Variants in ZNF385D observed in about 807,000 individuals in gnomAD.
The protein encoded by ZNF385D is zinc finger protein 385D, also known as zinc finger protein 659.
A neutral mutation model predicts 35.8 loss-of-function variants in ZNF385D; 15 were observed. That is an observed-to-expected ratio of 0.42 (90% CI 0.28 to 0.64). The LOEUF is 0.64. Among genes scored for constraint, ZNF385D ranks in the 30% least tolerant of loss-of-function variants. ZNF385D has a pLI of 0.23. For synonymous variants in ZNF385D, 212 were observed against 186.8 expected (o/e 1.13, Z -1.10); for missense variants, 474 against 494.6 (o/e 0.96, Z 0.39).
intron 2 of ZNF385D, among the ~76,000 whole-genome samples, chr3:22,218,751 C>T (rs1698056066): frequency 6.6e-6 from 1 of 152,068 alleles, no homozygotes; most frequent in African/African-American, 2.4e-5. Flanking sequence ...CTCTCAGCAA[C>T]ATGGGTTTTT....
chr3:21,923,478 T>C (rs1052422741), intron 3 of ZNF385D, among the ~76,000 whole-genome samples: 1 of 152,166 alleles, frequency 6.6e-6, no homozygotes, highest in African/African-American at 2.4e-5. Flanking sequence ...AAAACAGAAC[T>C]ACTATTTGAC....
At chr3:22,028,192 C>T (rs1478790868) in intron 3 of ZNF385D, among the ~76,000 whole-genome samples, 6 of 152,282 alleles carry the variant, frequency 3.9e-5, no homozygotes. Flanking sequence ...TGGTCAAAAA[C>T]TGTGAAGATG....
intron 3 of ZNF385D, among the ~76,000 whole-genome samples, chr3:21,895,176 T>C (rs189309537): frequency 3.7e-4 from 56 of 152,086 alleles, no homozygotes; most frequent in African/African-American, 1.3e-3. Flanking sequence ...GGTATTTCTA[T>C]TTGACTGATT....
At chr3:21,587,439 G>T (rs1436981249) in intron 2 of ZNF385D, among the ~76,000 whole-genome samples, 1 of 152,064 alleles carries the variant, frequency 6.6e-6, no homozygotes, top group South Asian at 2.1e-4. Context: ...TTGAAATAAG[G>T]CCCCAGGCTC....
rs970142223 is a variant in ZNF385D at position 22,316,171 on chromosome 3, C to T, written c.106+56279G>A. Among the ~76,000 whole-genome samples, 3 of 152,200 alleles carry T rather than the reference C, an allele frequency of 2.0e-5. No individual in the cohort carries two copies. The South Asian group carries it at 6.2e-4, about 32-fold the overall frequency. On this transcript the variant is annotated intron_variant, in intron 2 of 5. Transcript: ENST00000494108. ...TGCAGGAGGATGGTTTTCCACACTC[C>T]TGTGATTTCATCCCAAAGCAATCAG...
chr3:21,448,272 T>A (rs116317835), intron 4 of ZNF385D, among the ~76,000 whole-genome samples: 1,959 of 152,130 alleles, frequency 0.013, 37 homozygotes, highest in African/African-American at 0.045. Flanking sequence ...ATGAGAAAAA[T>A]TACAAAAATT....
intron 3 of ZNF385D, among the ~76,000 whole-genome samples, chr3:21,906,364 A>G (rs754018916): frequency 3.3e-5 from 5 of 152,194 alleles, no homozygotes; most frequent in Non-Finnish European, 7.3e-5. Flanking sequence ...CTTAGTTGGT[A>G]GCATCCAAAT....
At chr3:21,765,672 G>A (rs576780874) in intron 3 of ZNF385D, among the ~76,000 whole-genome samples, 1 of 151,802 alleles carries the variant, frequency 6.6e-6, no homozygotes, top group African/African-American at 2.4e-5. Context: ...GGAAGAAATA[G>A]AGATACATAT....
chr3:21,665,349 T>C (rs1158240074), intron 1 of ZNF385D, among the ~76,000 whole-genome samples: 4 of 152,190 alleles, frequency 2.6e-5, no homozygotes, highest in Non-Finnish European at 5.9e-5. Context: ...CCAAGATCTC[T>C]GAATTCAAAG....
intron 3 of ZNF385D, among the ~76,000 whole-genome samples, chr3:21,934,672 A>G (rs536497417): frequency 6.6e-6 from 1 of 152,266 alleles, no homozygotes; most frequent in African/African-American, 2.4e-5. Context: ...AACAAGAGGG[A>G]CTCTTAGTGA....
chr3:21,632,234 A>G lies in ZNF385D; in HGVS notation c.165+32652T>C, dbSNP rs75247678. ...GTGGTAGAGAGATGGATACTAAATA[A>G]ATTTGTAAAATAATGTTGGATTTTT... On this transcript the variant is annotated intron_variant, in intron 2 of 7. Coordinates refer to ENST00000281523, the MANE Select transcript of ZNF385D (RefSeq NM_024697.3). Among the ~76,000 whole-genome samples the G allele has an allele frequency of 7.5e-3, 1,140 of 152,244 alleles. 15 individuals carry two copies. Among genetic ancestry groups the G allele is most frequent in the African/African-American group, 0.026 (1,065 of 41,562 alleles).
chr3:21,965,002 T>C (rs1702830301), intron 3 of ZNF385D, among the ~76,000 whole-genome samples: 1 of 152,162 alleles, frequency 6.6e-6, no homozygotes, highest in Non-Finnish European at 1.5e-5. Context: ...TTCAGTTACA[T>C]TTGTATCTTA....
intron 4 of ZNF385D, among the ~76,000 whole-genome samples, chr3:21,438,075 C>A (rs947041197): frequency 6.6e-6 from 1 of 152,288 alleles, no homozygotes; most frequent in South Asian, 2.1e-4. Context: ...AGAGATCAAT[C>A]TCCAAAGTAA....
chr3:22,143,971 G>C (rs1281421090), intron 3 of ZNF385D, among the ~76,000 whole-genome samples: 1 of 152,142 alleles, frequency 6.6e-6, no homozygotes, highest in African/African-American at 2.4e-5. Flanking sequence ...GGGGTTCAAA[G>C]TAAGTATTGT....
chr3:21,769,850 T>C (rs374500770), intron 3 of ZNF385D, among the ~76,000 whole-genome samples: 102 of 150,024 alleles, frequency 6.8e-4, no homozygotes, highest in Non-Finnish European at 1.3e-3. Flanking sequence ...TACAAGGCTA[T>C]AGTAACCAAA....
At chr3:22,225,777 T>C (rs1698517018) in intron 2 of ZNF385D, among the ~76,000 whole-genome samples, 2 of 152,232 alleles carry the variant, frequency 1.3e-5, no homozygotes, top group African/African-American at 4.8e-5. Flanking sequence ...AAGTGTAATA[T>C]CAAATTTTTA....
intron 3 of ZNF385D, among the ~76,000 whole-genome samples, chr3:21,992,897 C>G (rs1167575173): frequency 6.6e-6 from 1 of 152,092 alleles, no homozygotes; most frequent in Admixed American, 6.5e-5. Context: ...AGTATAAACT[C>G]CAAGCAGTGA....
chr3:22,050,363 A>AAAACAAAC (rs541971066), intron 3 of ZNF385D, among the ~76,000 whole-genome samples: 1 of 151,842 alleles, frequency 6.6e-6, no homozygotes, highest in Non-Finnish European at 1.5e-5. Flanking sequence ...CTCTGTCAAA[A>AAAACAAAC]AAACAAACAA....
intron 3 of ZNF385D, among the ~76,000 whole-genome samples, chr3:21,842,730 A>C (rs1159353867): frequency 6.6e-6 from 1 of 152,056 alleles, no homozygotes; most frequent in Non-Finnish European, 1.5e-5. Context: ...TGAATGCCAC[A>C]ATGGTAGAGA....
Sources: gnomAD v4.1 joint callset for allele counts (sites outside exome capture counted in the v4.1 genomes callset) on GRCh38, gnomAD v4.1.1 for gene constraint, MANE v1.5 for transcripts, NCBI Gene and HGNC (gene_info 2026-07-23, HGNC 2026-07-21) for gene names.